SYCP2L: variants seen among roughly 807,000 people sequenced by gnomAD.
SYCP2L encodes the protein synaptonemal complex protein 2 like, also known as synaptonemal complex protein 2-like.
In SYCP2L, 98 loss-of-function variants were observed where a neutral mutation model predicts 125.8. That is an observed-to-expected ratio of 0.78 (90% CI 0.66 to 0.92). The LOEUF is 0.92. Ranked by LOEUF, SYCP2L falls within the 40% of genes least tolerant of loss-of-function variation. The pLI is 0.00. For missense variants in SYCP2L, 842 were observed against 936.4 expected (o/e 0.90, Z 1.32); for synonymous variants, 317 against 325.4 (o/e 0.97, Z 0.28).
intron 22 of SYCP2L, 59 bp downstream of exon 22, chr6:10,942,588 A>G: frequency 6.3e-7 from 1 of 1,575,956 alleles, no homozygotes; most frequent in African/African-American, 1.4e-5. Context: ...ATATTTGCAT[A>G]ACACATTGGC....
In SYCP2L at chr6:10,912,695, A is replaced by G; in HGVS notation, c.941A>G (p.Lys314Arg). Residue 314 changes from lysine to arginine, a missense_variant, in exon 13 of 30, where the codon AAA becomes AGA. By Grantham distance (26) the Lys-to-Arg change is conservative. Transcript: ENST00000283141. The surrounding 1 kb of genome is among the most constrained non-coding windows in gnomAD (Gnocchi z 4.1). ...CAGATGAGAAAACCAGCGGATGAAA[A>G]ATTAGAGAAATTTTGGATCGACTTC... ...EHEMRKPADE[K>R]LEKFWIDFNL... is the part of the protein sequence containing the mutation. 6.2e-7 allele frequency: 1 copy of G among 1,613,506 alleles called. No homozygotes were observed. Among genetic ancestry groups the G allele is most frequent in the Non-Finnish European group, 8.5e-7 (1 of 1,179,940 alleles).
chr6:10,902,769 T>G lies in SYCP2L; in HGVS notation c.552+7T>G. On this transcript the variant is annotated splice_region_variant and intron_variant, in intron 7 of 29. Coordinates refer to ENST00000283141, the MANE Select transcript of SYCP2L (RefSeq NM_001040274.3). ...TCATTTGCTTCAACAGGAGGTGAGT[T>G]GCAAGTAACAAAACAGGTAATAGTG... 6.2e-7 allele frequency: 1 copy of G among 1,613,968 alleles called. No individual in the cohort carries two copies. Among genetic ancestry groups the G allele is most frequent in the Non-Finnish European group, 8.5e-7 (1 of 1,179,860 alleles).
chr6:10,950,227 A>G (rs1035829314), intron 23 of SYCP2L, among the ~76,000 whole-genome samples: 4 of 151,942 alleles, frequency 2.6e-5, no homozygotes, highest in Admixed American at 6.6e-5. Flanking sequence ...AGTCTGTACA[A>G]TATTGTTTGT....
intron 6 of SYCP2L, among the ~76,000 whole-genome samples, chr6:10,901,652 G>A (rs544873136): frequency 2.0e-5 from 3 of 152,320 alleles, no homozygotes; most frequent in South Asian, 4.1e-4. Context: ...CCATCCCCAC[G>A]TCATGACAAC....
intron 29 of SYCP2L, 42 bp downstream of exon 29, chr6:10,963,885 G>A: frequency 6.7e-7 from 1 of 1,489,894 alleles, no homozygotes; most frequent in South Asian, 1.1e-5. Context: ...TGTGAATCGG[G>A]GTCAGGGCAG....
chr6:10,926,042 C>T (rs1346568388), intron 15 of SYCP2L, among the ~76,000 whole-genome samples: 5 of 152,140 alleles, frequency 3.3e-5, no homozygotes, highest in Non-Finnish European at 7.3e-5. Context: ...CTGAGAGAAG[C>T]AGCGGTTAGA....
At chr6:10,916,945 T>C (rs1459106109) in intron 14 of SYCP2L, among the ~76,000 whole-genome samples, 1 of 152,180 alleles carries the variant, frequency 6.6e-6, no homozygotes, top group Non-Finnish European at 1.5e-5. Flanking sequence ...TGAACCAAGA[T>C]TGCACTACTG....
At chr6:10,897,820 G>A (rs1386574736) in intron 4 of SYCP2L, among the ~76,000 whole-genome samples, 191 bp from the exon 5 acceptor site, 5 of 152,168 alleles carry the variant, frequency 3.3e-5, no homozygotes, top group African/African-American at 1.2e-4. Context: ...ACTTATGACA[G>A]CTCTGTAGTA....
chr6:10,921,212 CA>C (rs1780795899), intron 14 of SYCP2L, among the ~76,000 whole-genome samples: 1 of 152,146 alleles, frequency 6.6e-6, no homozygotes, highest in African/African-American at 2.4e-5. Flanking sequence ...GACATGATCT[CA>C]TTTTTTTTAT....
chr6:10,927,853 C>G (rs1057228915), intron 17 of SYCP2L, among the ~76,000 whole-genome samples: 1 of 152,116 alleles, frequency 6.6e-6, no homozygotes, highest in African/African-American at 2.4e-5. Flanking sequence ...TGGTCACACC[C>G]AAGGGGGCCA....
At chr6:10,948,651 C>CA (rs1781357713) in intron 23 of SYCP2L, among the ~76,000 whole-genome samples, 1 of 152,110 alleles carries the variant, frequency 6.6e-6, no homozygotes, top group Non-Finnish European at 1.5e-5. Context: ...CATCTACACT[C>CA]ATGAGTGGAA....
Position 10,930,443 on chromosome 6 carries a change from G to C in SYCP2L, c.1562G>C (p.Ser521Thr). The change falls in exon 19 of 30, where the codon AGT becomes ACT. Residue 521 changes from serine to threonine, a missense_variant. Transcript: ENST00000283141. ...AGTACCAGTGAACTATCTTGGACCA[G>C]TAACCAGAAAAAGAAATCCCTAAAA... is the stretch of plus-strand genomic sequence containing the variant. ...DSSTSELSWT[S>T]NQKKKSLKSY... The C allele has an allele frequency of 6.2e-7, 1 of 1,613,624 alleles. No homozygotes were observed. The highest frequency in any genetic ancestry group is 8.5e-7 in the Non-Finnish European group (1 of 1,179,788).
chr6:10,909,532 T>C (rs967425457), intron 10 of SYCP2L, among the ~76,000 whole-genome samples: 2 of 152,222 alleles, frequency 1.3e-5, no homozygotes, highest in African/African-American at 4.8e-5. Context: ...CAATTCTTGC[T>C]AACAAAAGGG....
At chr6:10,938,144 G>C (rs1045079674) in intron 21 of SYCP2L, among the ~76,000 whole-genome samples, 1 of 152,118 alleles carries the variant, frequency 6.6e-6, no homozygotes, top group African/African-American at 2.4e-5. Flanking sequence ...TCTGATGAAC[G>C]TATATGTAAA....
intron 18 of SYCP2L, among the ~76,000 whole-genome samples, chr6:10,929,708 G>A (rs1275989999): frequency 2.0e-5 from 3 of 152,102 alleles, no homozygotes; most frequent in Non-Finnish European, 4.4e-5. Context: ...GCCAAGGTGG[G>A]TGGATCATCT....
At chr6:10,925,721 T>C (rs989444076) in intron 15 of SYCP2L, among the ~76,000 whole-genome samples, 5 of 152,144 alleles carry the variant, frequency 3.3e-5, no homozygotes, top group African/African-American at 1.2e-4. Context: ...ATGGTCTTTT[T>C]ACAAAAAGGC....
intron 21 of SYCP2L, among the ~76,000 whole-genome samples, chr6:10,939,119 C>CA (rs112513773): frequency 9.2e-4 from 120 of 130,032 alleles, no homozygotes; most frequent in African/African-American, 1.6e-3. Flanking sequence ...GACTCCATCT[C>CA]AAAAAAAAAA....
Position 10,910,989 on chromosome 6 carries a change from C to A in SYCP2L, c.918+120C>A. On this transcript the variant is annotated intron_variant, in intron 12 of 29. Coordinates refer to ENST00000283141, the MANE Select transcript of SYCP2L (RefSeq NM_001040274.3). Reference sequence around the variant, plus strand: ...CAAAAGGGCTTTTTAAAAAAGGATGCCAACGTCTTCTAATGACCTCAGTTC... The same window carrying A: ...CAAAAGGGCTTTTTAAAAAAGGATGACAACGTCTTCTAATGACCTCAGTTC... 5 of 1,018,556 alleles carry A rather than the reference C, an allele frequency of 4.9e-6. No individual in the cohort carries two copies. The Admixed American group carries it at 5.4e-5, about 11-fold the overall frequency. 63.1% of individuals were successfully genotyped at this position (1,018,556 alleles called of 1,614,324 possible).
intron 6 of SYCP2L, among the ~76,000 whole-genome samples, chr6:10,900,634 T>C (rs1780361142): frequency 6.6e-6 from 1 of 152,152 alleles, no homozygotes. Context: ...ATTACAGGCA[T>C]GAGCCATCGC....
Sources: allele counts gnomAD v4.1 joint callset (sites outside exome capture counted in the v4.1 genomes callset), GRCh38; gene constraint gnomAD v4.1.1; non-coding constraint Gnocchi (gnomAD v3.1); transcripts MANE v1.5; gene names NCBI Gene and HGNC (gene_info 2026-07-23, HGNC 2026-07-21).